The following CACNA2D2 variants were observed in gnomAD, a reference collection of about 807,000 sequenced individuals.
The protein encoded by CACNA2D2 is calcium voltage-gated channel auxiliary subunit alpha2delta 2, also known as voltage-dependent calcium channel subunit alpha-2/delta-2.
CACNA2D2 carries 48 observed loss-of-function variants against 166.4 expected under a neutral mutation model. The ratio of observed to expected loss-of-function variants is 0.29; its 90% CI spans 0.23 to 0.37. The LOEUF (loss-of-function observed/expected upper bound fraction) is 0.37, where lower values mean the gene tolerates loss of function less well. Ranked by LOEUF, CACNA2D2 falls within the 10% of genes least tolerant of loss-of-function variation. CACNA2D2 has a pLI of 1.00. For missense variants in CACNA2D2, 1,122 were observed against 1,433.0 expected (o/e 0.78, Z 3.50); for synonymous variants, 561 against 573.7 (o/e 0.98, Z 0.32).
intron 3 of CACNA2D2, among the ~76,000 whole-genome samples, chr3:50,424,447 C>T (rs117840072): frequency 6.6e-6 from 1 of 152,172 alleles, no homozygotes; most frequent in Non-Finnish European, 1.5e-5. Flanking sequence ...CACCCCAACA[C>T]ACACGCACGC....
At chr3:50,438,321 T>C (rs1271213659) in intron 2 of CACNA2D2, among the ~76,000 whole-genome samples, 2 of 151,880 alleles carry the variant, frequency 1.3e-5, no homozygotes, top group Admixed American at 1.3e-4. Flanking sequence ...CCTCCACCTC[T>C]CCCCTCCCCC....
intron 4 of CACNA2D2, 66 bp downstream of exon 4, chr3:50,394,043 C>G (rs906070694): frequency 1.4e-5 from 20 of 1,465,258 alleles, no homozygotes; most frequent in Admixed American, 1.3e-4. Context: ...CTCCCACCCC[C>G]CAGCATTCAA....
rs574456631 is a variant in CACNA2D2 at position 50,503,560 on chromosome 3, C to T, written c.-137G>A. 231 of 167,516 alleles carry T rather than the reference C, an allele frequency of 1.4e-3. 1 individual carries two copies. Among genetic ancestry groups the T allele is most frequent in the South Asian group, 8.7e-3 (50 of 5,722 alleles). The allele number at this position is 167,516 out of a possible 1,614,324, so 10.4% of individuals were successfully genotyped here. ...CGCCGCCTTCTCCGCGAGGGGCCTC[C>T]GGGGCTGCACGGGCCGCAGCGCCTC... On this transcript the variant is annotated 5_prime_UTR_variant, in exon 1 of 38. Coordinates refer to ENST00000424201, the MANE Select transcript of CACNA2D2 (RefSeq NM_006030.4).
In CACNA2D2 at chr3:50,377,770, C is replaced by T. The variant is rs763706652; in HGVS notation, c.1513G>A (p.Val505Ile). The T allele has an allele frequency of 4.3e-6, 7 of 1,613,322 alleles. No individual in the cohort carries two copies. The highest frequency in any genetic ancestry group is 1.3e-5 in the African/African-American group (1 of 74,938). The change falls in exon 16 of 38, where the codon GTT (valine) becomes ATT (isoleucine). Residue 505 changes from valine (V) to isoleucine (I), a missense_variant. Val to Ile is a conservative substitution (Grantham distance 29, BLOSUM62 3). This residue lies in a region of CACNA2D2 where 840 missense variants were observed against 1,166.8 expected (regional missense o/e 0.72). Transcript: ENST00000424201. ...LGLVVTGTLP[V>I]FNLTQDGPGE... ...GGGCCATCCTGTGTCAGGTTGAAAA[C>T]AGGGAGGGTCCCTGTTACCACCAAC...
chr3:50,449,241 C>G (rs551905323), intron 2 of CACNA2D2, among the ~76,000 whole-genome samples: 32 of 152,212 alleles, frequency 2.1e-4, no homozygotes, highest in Non-Finnish European at 4.4e-4. Flanking sequence ...CCCCCCACCC[C>G]TGTGATCCAA....
intron 1 of CACNA2D2, among the ~76,000 whole-genome samples, chr3:50,488,718 G>C (rs1014270425): frequency 6.7e-6 from 1 of 149,612 alleles, no homozygotes; most frequent in Admixed American, 6.7e-5. Context: ...TTTTGTTTTT[G>C]AGACAGAGTC....
chr3:50,408,911 G>A (rs767805473), intron 3 of CACNA2D2, among the ~76,000 whole-genome samples: 23 of 152,204 alleles, frequency 1.5e-4, no homozygotes, highest in Non-Finnish European at 3.2e-4. Flanking sequence ...CATCGTTGCC[G>A]CCTCTCCCTT....
intron 1 of CACNA2D2, among the ~76,000 whole-genome samples, chr3:50,498,028 C>G (rs1698794719): frequency 6.6e-6 from 1 of 152,204 alleles, no homozygotes; most frequent in African/African-American, 2.4e-5. Context: ...AGCATGTCCT[C>G]CCCAGGCCTG....
chr3:50,387,320 G>T (rs1277613741), intron 5 of CACNA2D2, among the ~76,000 whole-genome samples: 1 of 151,770 alleles, frequency 6.6e-6, no homozygotes, highest in African/African-American at 2.4e-5. Context: ...ACTGCCCCGT[G>T]CGGGAAGGGC....
intron 23 of CACNA2D2, among the ~76,000 whole-genome samples, 179 bp from the exon 24 acceptor site, chr3:50,368,414 G>A (rs1235873198): frequency 6.6e-6 from 1 of 152,112 alleles, no homozygotes; most frequent in Non-Finnish European, 1.5e-5. Flanking sequence ...GGTCTGAGTC[G>A]GGGCAGAGCT....
intron 2 of CACNA2D2, among the ~76,000 whole-genome samples, chr3:50,468,442 G>GTGTGTGTGTGTGTGTGTGT: frequency 1.9e-5 from 1 of 52,602 alleles, no homozygotes; most frequent in East Asian, 8.8e-4. Context: ...TGTGTGTGTG[G>GTGTGTGTGTGTGTGTGTGT]CTTTAGGAAA....
intron 21 of CACNA2D2, 69 bp from the exon 22 acceptor site, chr3:50,374,882 C>T: frequency 7.6e-7 from 1 of 1,313,112 alleles, no homozygotes; most frequent in South Asian, 1.3e-5. Context: ...TCCCCATGGC[C>T]TTGGAGCTGG....
Position 50,362,853 on chromosome 3 carries a change from T to C in CACNA2D2, c.*1813A>G. ...TAACTGATCTTCTGTAATAAACCAT[T>C]TGAAAATATTTTACAAGGAATCACA... On this transcript the variant is annotated 3_prime_UTR_variant, in exon 38 of 38. Transcript: ENST00000424201. 2 of 341,856 alleles carry C rather than the reference T, an allele frequency of 5.9e-6. No homozygotes were observed. 21.2% of individuals were successfully genotyped at this position (341,856 alleles called of 1,614,324 possible).
chr3:50,462,503 A>G (rs1316833893), intron 2 of CACNA2D2, among the ~76,000 whole-genome samples: 1 of 152,012 alleles, frequency 6.6e-6, no homozygotes. Context: ...AATTGTATCC[A>G]AAAGTCTTCC....
rs892627959 is a variant in CACNA2D2 at position 50,364,447 on chromosome 3, C to T, written c.*219G>A. The T allele has an allele frequency of 5.2e-6, 3 of 580,750 alleles. No individual in the cohort carries two copies. Among genetic ancestry groups the T allele is most frequent in the Non-Finnish European group, 8.8e-6 (3 of 339,562 alleles). 36.0% of individuals were successfully genotyped at this position (580,750 alleles called of 1,614,324 possible). A position where few individuals can be genotyped will look rare whatever the true frequency, so the allele number is the denominator to read the frequency against. ...CAAGAAGGGTCTGGGGACACTTGAA[C>T]AGTTCGGAGGTGAGATGTGATTTGG... On this transcript the variant is annotated 3_prime_UTR_variant, in exon 38 of 38. Transcript: ENST00000424201.
intron 2 of CACNA2D2, among the ~76,000 whole-genome samples, chr3:50,453,939 GGCCCGGGTCCTGCATCTGTTCT>G (rs902419979): frequency 6.6e-6 from 1 of 151,320 alleles, no homozygotes; most frequent in African/African-American, 2.4e-5. Flanking sequence ...GACACGACCA[GGCCCGGGTCCTGCATCTGTTCT>G]GCCCTGCCCC....
chr3:50,437,552 T>G (rs1255260088), intron 2 of CACNA2D2, among the ~76,000 whole-genome samples: 2 of 152,170 alleles, frequency 1.3e-5, no homozygotes, highest in Non-Finnish European at 2.9e-5. Context: ...AACATTCCCC[T>G]GAACTTGCTC....
At chr3:50,487,376 G>A (rs1303486975) in intron 1 of CACNA2D2, among the ~76,000 whole-genome samples, 1 of 152,224 alleles carries the variant, frequency 6.6e-6, no homozygotes, top group Non-Finnish European at 1.5e-5. Flanking sequence ...CAGTAGGAAC[G>A]TTGGCCAGCA....
intron 5 of CACNA2D2, among the ~76,000 whole-genome samples, chr3:50,387,148 T>TG (rs1467166675): frequency 1.3e-5 from 2 of 152,112 alleles, no homozygotes; most frequent in African/African-American, 4.8e-5. Flanking sequence ...GGCCAGGCTG[T>TG]GGGGTGCTCA....
Sources: gnomAD v4.1 joint callset for allele counts (sites outside exome capture counted in the v4.1 genomes callset) on GRCh38, gnomAD v4.1.1 for gene constraint, gnomAD v4.1.1 regional missense constraint, MANE v1.5 for transcripts, NCBI Gene and HGNC (gene_info 2026-07-23, HGNC 2026-07-21) for gene names.